Variants in DAB2IP observed in about 807,000 individuals in gnomAD.
The protein encoded by DAB2IP is DAB2 interacting protein.
In DAB2IP, 28 loss-of-function variants were observed where a neutral mutation model predicts 107.2. That is an observed-to-expected ratio of 0.26 (90% confidence interval 0.19 to 0.36). The LOEUF is 0.36. Among genes scored for constraint, DAB2IP ranks in the 10% least tolerant of loss-of-function variants. The pLI is 1.00. For synonymous variants in DAB2IP, 755 were observed against 706.4 expected (o/e 1.07, Z -1.09); for missense variants, 1,400 against 1,644.7 (o/e 0.85, Z 2.57).
chr9:121,740,897 T>A (rs1296312195), intron 3 of DAB2IP, among the ~76,000 whole-genome samples: 1 of 152,226 alleles, frequency 6.6e-6, no homozygotes, highest in Non-Finnish European at 1.5e-5. Flanking sequence ...TAAAAGGATT[T>A]GTCCAGGGTT....
intron 1 of DAB2IP, among the ~76,000 whole-genome samples, chr9:121,595,916 C>T (rs1830520215): frequency 6.6e-6 from 1 of 152,160 alleles, no homozygotes; most frequent in African/African-American, 2.4e-5. Context: ...GGCACAGTGG[C>T]TCACATCTGT....
chr9:121,705,920 A>C (rs1281022836), intron 3 of DAB2IP, among the ~76,000 whole-genome samples: 1 of 152,254 alleles, frequency 6.6e-6, no homozygotes, highest in Non-Finnish European at 1.5e-5. Flanking sequence ...GCTCTAATTA[A>C]TGGCTATTTT....
At chr9:121,628,044 T>C (rs573580598) in intron 1 of DAB2IP, among the ~76,000 whole-genome samples, 14 of 152,248 alleles carry the variant, frequency 9.2e-5, no homozygotes, top group Non-Finnish European at 1.2e-4. Context: ...AGGAAAGTGG[T>C]CATTGCTAAG....
rs142313991 is a variant in DAB2IP, at chr9:121,635,741, C to T, written c.41-42937C>T. ...CAAAGCACTCTGGGTGAAGACAAGACAGTGGGGAGCGGGTTTTGGCCCAGC... is the reference window on the plus strand; with the variant it reads ...CAAAGCACTCTGGGTGAAGACAAGATAGTGGGGAGCGGGTTTTGGCCCAGC... On this transcript the variant is annotated intron_variant, in intron 1 of 16. Coordinates refer to the DAB2IP transcript ENST00000259371. This position sits in a 1 kb window ranked among gnomAD's most constrained non-coding sequence, Gnocchi z 4.3. 1.2e-4 allele frequency among the ~76,000 whole-genome samples: 18 copies of T among 152,322 alleles called. No homozygotes were observed. Among genetic ancestry groups the T allele is most frequent in the South Asian group, 2.1e-4 (1 of 4,826 alleles).
intron 1 of DAB2IP, among the ~76,000 whole-genome samples, chr9:121,644,610 TAAA>T (rs959825738): frequency 6.9e-6 from 1 of 144,072 alleles, no homozygotes; most frequent in East Asian, 2.0e-4. Context: ...AAATAAAAAA[TAAA>T]AAAAGAGAGA....
chr9:121,746,869 G>T (rs1832758113), intron 3 of DAB2IP, among the ~76,000 whole-genome samples: 1 of 152,222 alleles, frequency 6.6e-6, no homozygotes, highest in Non-Finnish European at 1.5e-5. Context: ...CCCGGGTGGG[G>T]TGCAGGGACC....
intron 3 of DAB2IP, among the ~76,000 whole-genome samples, chr9:121,711,643 C>T (rs914837052): frequency 2.6e-5 from 4 of 152,192 alleles, no homozygotes; most frequent in African/African-American, 9.6e-5. Context: ...CCCTTAGTAC[C>T]TGCAGGAGTA....
chr9:121,675,024 G>C (rs1833838823), intron 1 of DAB2IP, among the ~76,000 whole-genome samples: 1 of 152,072 alleles, frequency 6.6e-6, no homozygotes, highest in Non-Finnish European at 1.5e-5. Context: ...AACTGCAGTG[G>C]GTACCCCGTG....
intron 6 of DAB2IP, 60 bp from the exon 7 acceptor site, chr9:121,763,445 C>T: frequency 6.4e-7 from 1 of 1,555,456 alleles, no homozygotes; most frequent in Non-Finnish European, 8.7e-7. Context: ...GTCTGGAATC[C>T]TAGGGCCCTC....
At chr9:121,654,417 C>A (rs1048730510) in intron 1 of DAB2IP, among the ~76,000 whole-genome samples, 1 of 152,048 alleles carries the variant, frequency 6.6e-6, no homozygotes, top group Non-Finnish European at 1.5e-5. Context: ...CATAGCAAGA[C>A]CCTGTCTCAA....
chr9:121,682,030 G>A (rs575531638), intron 2 of DAB2IP, among the ~76,000 whole-genome samples: 1 of 152,212 alleles, frequency 6.6e-6, no homozygotes, highest in African/African-American at 2.4e-5. Context: ...GATCTAGGAG[G>A]GTTGGAGTAC....
At chr9:121,709,359 A>AGCCCCACCCACT (rs972211288) in intron 3 of DAB2IP, among the ~76,000 whole-genome samples, 2 of 152,080 alleles carry the variant, frequency 1.3e-5, no homozygotes, top group Non-Finnish European at 2.9e-5. Flanking sequence ...ATGCTGTGAT[A>AGCCCCACCCACT]GCCCCACCCA....
intron 3 of DAB2IP, among the ~76,000 whole-genome samples, chr9:121,711,847 G>T (rs890445814): frequency 6.6e-6 from 1 of 152,174 alleles, no homozygotes; most frequent in Non-Finnish European, 1.5e-5. Context: ...GGCCTAGGGT[G>T]TAGGGGTTTA....
intron 15 of DAB2IP, 69 bp downstream of exon 15, chr9:121,781,620 T>A: frequency 6.8e-7 from 1 of 1,463,522 alleles, no homozygotes; most frequent in Non-Finnish European, 9.5e-7. Flanking sequence ...GTGACTAGCC[T>A]CTCCATCCTC....
rs374279042 is a variant in DAB2IP, at chr9:121,782,941, C to A, written c.*443C>A. On this transcript the variant is annotated 3_prime_UTR_variant, in exon 16 of 16. Coordinates refer to ENST00000408936, the Ensembl canonical transcript of DAB2IP. This position sits in a 1 kb window ranked among gnomAD's most constrained non-coding sequence, Gnocchi z 6.1. The stretch of plus-strand genomic sequence containing the variant: ...CTTCCCCTCGCCTCCTTGGGGGGCC[C>A]GGGACTCCCTGGCAGCCAGGCCCTG... 54 of 1,018,340 alleles carry A rather than the reference C, an allele frequency of 5.3e-5. No homozygotes were observed. The highest frequency in any genetic ancestry group is 6.0e-5 in the Non-Finnish European group (51 of 850,046). 63.1% of individuals were successfully genotyped at this position (1,018,340 alleles called of 1,614,324 possible).
intron 3 of DAB2IP, among the ~76,000 whole-genome samples, chr9:121,721,346 A>G (rs1002748920): frequency 1.3e-5 from 2 of 152,192 alleles, no homozygotes; most frequent in Admixed American, 1.3e-4. Flanking sequence ...GCACTCAGGA[A>G]ATCCTGGGCA....
chr9:121,706,468 G>A (rs1049809276), intron 3 of DAB2IP, among the ~76,000 whole-genome samples: 2 of 152,264 alleles, frequency 1.3e-5, no homozygotes, highest in Non-Finnish European at 1.5e-5. Context: ...CTGAGTTCGC[G>A]GTGGAGTCAC....
At position 121,736,013 on chromosome 9, in the gene DAB2IP, G is replaced by A. The variant is rs968091288; in HGVS notation, c.363-21000G>A. Among the ~76,000 whole-genome samples the A allele has an allele frequency of 6.6e-6, 1 of 152,290 alleles. No homozygotes were observed. The highest frequency in any genetic ancestry group is 2.4e-5 in the African/African-American group (1 of 41,574). On this transcript the variant is annotated intron_variant, in intron 3 of 15. Transcript: ENST00000408936. The surrounding 1 kb of genome is among the most constrained non-coding windows in gnomAD (Gnocchi z 4.6). ...TCCCTTCTGTCCTGCCGGACTAGCC[G>A]GGTGCTTTCCAGAAGAGAAAACCCG...
At chr9:121,569,382 C>T (rs1275298463) in intron 1 of DAB2IP, among the ~76,000 whole-genome samples, 2 of 152,214 alleles carry the variant, frequency 1.3e-5, no homozygotes, top group African/African-American at 4.8e-5. Flanking sequence ...AAGCCCTAAC[C>T]CTATACTTGG....
Sources: allele counts gnomAD v4.1 joint callset (sites outside exome capture counted in the v4.1 genomes callset), GRCh38; gene constraint gnomAD v4.1.1; non-coding constraint Gnocchi (gnomAD v3.1); transcripts MANE v1.5; gene names NCBI Gene and HGNC (gene_info 2026-07-23, HGNC 2026-07-21).